Variants in GLIS3 observed in about 807,000 individuals in gnomAD.
The protein encoded by GLIS3 is zinc finger protein GLIS3.
Under a neutral mutation model 78.6 loss-of-function variants are expected in GLIS3, and 53 were observed. The observed-to-expected ratio is 0.67, with a 90% CI of 0.54 to 0.85. GLIS3 has a LOEUF of 0.85. Among genes scored for constraint, GLIS3 ranks in the 40% least tolerant of loss-of-function variants. GLIS3 has a pLI of 0.00. For synonymous variants in GLIS3, 684 were observed against 509.9 expected (o/e 1.34, Z -4.60); for missense variants, 1,703 against 1,231.1 (o/e 1.38, Z -5.74).
At chr9:4,158,614 T>C (rs1835220583) in intron 2 of GLIS3, among the ~76,000 whole-genome samples, 1 of 152,236 alleles carries the variant, frequency 6.6e-6, no homozygotes, top group Non-Finnish European at 1.5e-5. Context: ...AGGTTTTCAC[T>C]ACTAAATGTA....
At chr9:4,036,663 C>T (rs1025573208) in intron 4 of GLIS3, among the ~76,000 whole-genome samples, 3 of 152,144 alleles carry the variant, frequency 2.0e-5, no homozygotes, top group Non-Finnish European at 4.4e-5. Flanking sequence ...TAAATAGGTG[C>T]CCAGCAAACG....
chr9:3,825,412 A>T lies in GLIS3; in HGVS notation c.*2860T>A, dbSNP rs1382272200. 1 of 151,906 alleles carries T rather than the reference A, an allele frequency of 6.6e-6. No individual in the cohort carries two copies. Among genetic ancestry groups the T allele is most frequent in the African/African-American group, 2.4e-5 (1 of 41,418 alleles). The allele number at this position is 151,906 out of a possible 1,614,324, so 9.4% of individuals were successfully genotyped here. ...GGAATTAAGACAATGCAGCCAATGA[A>T]ATGTCTCTAGGCAGACTGATTTTTT... On this transcript the variant is annotated 3_prime_UTR_variant, in exon 11 of 11. Transcript: ENST00000381971.
the GLIS3 span, among the ~76,000 whole-genome samples, chr9:4,367,935 G>T: frequency 5.9e-5 from 9 of 152,318 alleles, no homozygotes; most frequent in East Asian, 1.7e-3. Context: ...GTTCAGAGAG[G>T]TTTGTGTAGC....
chr9:4,213,643 A>G (rs747352443), intron 2 of GLIS3, among the ~76,000 whole-genome samples: 1 of 152,220 alleles, frequency 6.6e-6, no homozygotes, highest in Non-Finnish European at 1.5e-5. Context: ...TAGACATTAC[A>G]TTTTGTAAGC....
chr9:4,485,932 A>G, the GLIS3 span, among the ~76,000 whole-genome samples: 1 of 152,152 alleles, frequency 6.6e-6, no homozygotes, highest in Non-Finnish European at 1.5e-5. Context: ...TATGTTGGCC[A>G]GGCTGGTCTC....
At chr9:4,216,159 T>G (rs1378517247) in intron 2 of GLIS3, among the ~76,000 whole-genome samples, 1 of 152,082 alleles carries the variant, frequency 6.6e-6, no homozygotes, top group Non-Finnish European at 1.5e-5. Flanking sequence ...TAGTTCTAAA[T>G]TAATTTCATG....
the GLIS3 span, among the ~76,000 whole-genome samples, chr9:4,433,078 C>T: frequency 6.6e-6 from 1 of 152,216 alleles, no homozygotes; most frequent in Non-Finnish European, 1.5e-5. Context: ...ACTCAACCAA[C>T]ATGCCCAGAA....
intron 4 of GLIS3, among the ~76,000 whole-genome samples, chr9:3,970,765 C>A (rs1348666978): frequency 6.6e-6 from 1 of 152,120 alleles, no homozygotes; most frequent in Non-Finnish European, 1.5e-5. Flanking sequence ...CTTTGGAGAA[C>A]AATTTACCAA....
the GLIS3 span, among the ~76,000 whole-genome samples, chr9:4,411,668 T>C: frequency 4.6e-3 from 707 of 152,298 alleles, 7 homozygotes; most frequent in African/African-American, 0.016. Context: ...TGCTGTATGG[T>C]AGACAACCTT....
the GLIS3 span, among the ~76,000 whole-genome samples, chr9:4,365,881 G>A: frequency 6.6e-6 from 1 of 152,146 alleles, no homozygotes; most frequent in South Asian, 2.1e-4. Flanking sequence ...CACCCCAAAG[G>A]GTCAAGGAGC....
intron 4 of GLIS3, among the ~76,000 whole-genome samples, chr9:4,100,438 C>G (rs752402174): frequency 4.6e-5 from 7 of 152,016 alleles, no homozygotes; most frequent in Non-Finnish European, 7.4e-5. Flanking sequence ...TCAGGGAAAA[C>G]AAAGGGGAAA....
rs961283872 is a variant in GLIS3, at chr9:4,187,675, G to C, written c.389-61734C>G. Among the ~76,000 whole-genome samples the C allele has an allele frequency of 7.2e-5, 11 of 152,260 alleles. No homozygotes were observed. In the East Asian group the frequency reaches 1.2e-3, roughly 16 times the overall value. On this transcript the variant is annotated intron_variant, in intron 2 of 10. Coordinates refer to ENST00000381971, the MANE Select transcript of GLIS3 (RefSeq NM_001042413.2). ...TTTGTATCCTCTTTTATTTCACTGA[G>C]CAGTGGTTTGTAGTTCTCCTTGAAG... is the stretch of plus-strand genomic sequence containing the variant.
At chr9:4,111,403 T>C (rs1479344649) in intron 4 of GLIS3, among the ~76,000 whole-genome samples, 1 of 152,180 alleles carries the variant, frequency 6.6e-6, no homozygotes, top group Non-Finnish European at 1.5e-5. Context: ...TTTGCCCAAA[T>C]CTGCTACGAA....
At chr9:4,028,031 CACT>C (rs985195184) in intron 4 of GLIS3, among the ~76,000 whole-genome samples, 2 of 152,190 alleles carry the variant, frequency 1.3e-5, no homozygotes, top group Non-Finnish European at 2.9e-5. Context: ...AACCCGGATC[CACT>C]ACAGCGGCAG....
At chr9:4,311,263 T>G (rs1023336892) in intron 2 of GLIS3, among the ~76,000 whole-genome samples, 17 of 151,652 alleles carry the variant, frequency 1.1e-4, no homozygotes, top group Admixed American at 5.9e-4. Flanking sequence ...ACAAAAATTA[T>G]CCGGGCGTGG....
intron 8 of GLIS3, among the ~76,000 whole-genome samples, chr9:3,874,334 G>A (rs114416238): frequency 6.6e-6 from 1 of 152,210 alleles, no homozygotes; most frequent in Non-Finnish European, 1.5e-5. Flanking sequence ...GGAGGTTCCT[G>A]GAGGGCGGTA....
intron 2 of GLIS3, among the ~76,000 whole-genome samples, chr9:4,169,658 T>C (rs896790874): frequency 6.6e-6 from 1 of 152,314 alleles, no homozygotes; most frequent in Admixed American, 6.5e-5. Flanking sequence ...AAAATGTGCA[T>C]GTTTGTAGAA....
chr9:4,379,428 T>C, the GLIS3 span, among the ~76,000 whole-genome samples: 2 of 152,252 alleles, frequency 1.3e-5, no homozygotes, highest in African/African-American at 4.8e-5. Flanking sequence ...AAGCTGACTC[T>C]AAATGCCTCT....
At chr9:4,377,070 T>G in the GLIS3 span, among the ~76,000 whole-genome samples, 2 of 134,656 alleles carry the variant, frequency 1.5e-5, 1 homozygote, top group South Asian at 5.8e-4. Flanking sequence ...TAACACAGGG[T>G]TTGTGACGGT....
Sources: allele counts gnomAD v4.1 joint callset (sites outside exome capture counted in the v4.1 genomes callset), GRCh38; gene constraint gnomAD v4.1.1; transcripts MANE v1.5; gene names NCBI Gene and HGNC (gene_info 2026-07-23, HGNC 2026-07-21).